Variants in PLXDC2 observed in about 807,000 individuals in gnomAD.
PLXDC2 encodes plexin domain-containing protein 2.
In PLXDC2, 40 loss-of-function variants were observed where a neutral mutation model predicts 68.9. The ratio of observed to expected loss-of-function variants is 0.58; its 90% CI spans 0.45 to 0.76. The LOEUF (loss-of-function observed/expected upper bound fraction) is 0.76, where lower values mean the gene tolerates loss of function less well. Ranked by LOEUF, PLXDC2 falls within the 30% of genes least tolerant of loss-of-function variation. PLXDC2 has a pLI of 0.00. For synonymous variants in PLXDC2, 243 were observed against 234.2 expected, an observed-to-expected ratio of 1.04 and a Z score of -0.34; for missense variants, 644 against 661.9, an observed-to-expected ratio of 0.97 and a Z score of 0.30.
intron 9 of PLXDC2, among the ~76,000 whole-genome samples, chr10:20,205,956 A>T (rs1473834935): frequency 6.6e-6 from 1 of 152,110 alleles, no homozygotes; most frequent in East Asian, 1.9e-4. Context: ...TCTATTATAT[A>T]TTGCATATAA....
At chr10:20,228,832 TG>T (rs1821395470) in intron 12 of PLXDC2, among the ~76,000 whole-genome samples, 2 of 152,180 alleles carry the variant, frequency 1.3e-5, no homozygotes, top group South Asian at 4.2e-4. Flanking sequence ...GAGGAAGTAG[TG>T]AACAGTGTCA....
chr10:19,935,081 T>A (rs1460345392), intron 1 of PLXDC2, among the ~76,000 whole-genome samples: 1 of 152,204 alleles, frequency 6.6e-6, no homozygotes, highest in Non-Finnish European at 1.5e-5. Flanking sequence ...GTTCTGCTCA[T>A]CAAATCATTG....
rs535165270 is a variant in PLXDC2, at chr10:19,933,913, G to A, written c.113-67862G>A. Among the ~76,000 whole-genome samples the A allele has an allele frequency of 7.6e-3, 1,159 of 151,834 alleles. 19 individuals carry two copies. Among genetic ancestry groups the A allele is most frequent in the African/African-American group, 0.027 (1,103 of 41,388 alleles). ...GAAGGAAAGAGAAAGAAAGGAAAGA[G>A]AAAGGAAGGAAGGACAGAAGGAAGG... On this transcript the variant is annotated intron_variant, in intron 1 of 13. Transcript: ENST00000377252.
chr10:19,872,652 A>C (rs995950498), intron 1 of PLXDC2, among the ~76,000 whole-genome samples: 7 of 152,104 alleles, frequency 4.6e-5, no homozygotes, highest in African/African-American at 1.7e-4. Context: ...GAGGGGTGTT[A>C]GCTGTGGAGT....
chr10:20,118,479 A>C (rs1833651650), intron 4 of PLXDC2, among the ~76,000 whole-genome samples: 1 of 152,174 alleles, frequency 6.6e-6, no homozygotes, highest in Non-Finnish European at 1.5e-5. Context: ...CTAATTCTTA[A>C]ATGTCACATT....
At position 20,143,421 on chromosome 10, in the gene PLXDC2, T is replaced by C. The variant is rs376517980; in HGVS notation, c.664+4T>C. The C allele has an allele frequency of 4.3e-6, 7 of 1,612,320 alleles. No individual in the cohort carries two copies. In the African/African-American group the frequency reaches 9.3e-5, roughly 22 times the overall value. The stretch of plus-strand genomic sequence containing the variant: ...ACTGTCAGATATTTTGATAATGGTA[T>C]GTGTTGAGTAGCCTATTTTTTGCTG... On this transcript the variant is annotated splice_donor_region_variant and intron_variant, in intron 5 of 13. Coordinates refer to ENST00000377252, the MANE Select transcript of PLXDC2 (RefSeq NM_032812.9).
intron 12 of PLXDC2, among the ~76,000 whole-genome samples, chr10:20,233,042 G>T (rs1396859873): frequency 1.3e-5 from 2 of 151,852 alleles, no homozygotes; most frequent in African/African-American, 4.8e-5. Flanking sequence ...GCTTATCCTT[G>T]GTGAACCAGC....
At chr10:20,180,968 A>G (rs540447594) in intron 9 of PLXDC2, among the ~76,000 whole-genome samples, 1 of 152,202 alleles carries the variant, frequency 6.6e-6, no homozygotes, top group East Asian at 1.9e-4. Context: ...TCACTTACCA[A>G]GATTGTGCAT....
intron 1 of PLXDC2, among the ~76,000 whole-genome samples, chr10:19,845,319 A>C (rs1836987929): frequency 6.6e-6 from 1 of 152,138 alleles, no homozygotes; most frequent in South Asian, 2.1e-4. Flanking sequence ...TGCCAGATGA[A>C]ATGTTAAACT....
Position 19,882,951 on chromosome 10 carries a change from T to C in PLXDC2, c.112+65760T>C, listed in dbSNP as rs1031766083. 6.7e-4 allele frequency among the ~76,000 whole-genome samples: 91 copies of C among 135,810 alleles called. No individual in the cohort carries two copies. In the South Asian group the frequency reaches 0.021, roughly 31 times the overall value. The allele number at this position is 135,810 out of a possible 152,430, so 89.1% of individuals were successfully genotyped here. A position where few individuals can be genotyped will look rare whatever the true frequency, so the allele number is the denominator to read the frequency against. On this transcript the variant is annotated intron_variant, in intron 1 of 13. Transcript: ENST00000377252. Reference sequence around the variant, plus strand: ...GCAATTAAAATTTTTTTTTTTTTTTTCCTTTCTTTCTTTTTTTTTTTTTGA... The same window carrying C: ...GCAATTAAAATTTTTTTTTTTTTTTCCCTTTCTTTCTTTTTTTTTTTTTGA...
At chr10:20,121,952 T>A (rs1312178540) in intron 4 of PLXDC2, among the ~76,000 whole-genome samples, 1 of 151,862 alleles carries the variant, frequency 6.6e-6, no homozygotes, top group Non-Finnish European at 1.5e-5. Flanking sequence ...AATGAGATGG[T>A]AAGGGGTGCA....
chr10:19,910,449 G>T (rs34307716), intron 1 of PLXDC2, among the ~76,000 whole-genome samples: 1 of 151,780 alleles, frequency 6.6e-6, no homozygotes, highest in Admixed American at 6.6e-5. Context: ...GGGAAAATGA[G>T]TCACTGAGAG....
chr10:20,032,591 C>A (rs1268457910), intron 2 of PLXDC2, among the ~76,000 whole-genome samples: 2 of 152,160 alleles, frequency 1.3e-5, no homozygotes, highest in African/African-American at 4.8e-5. Context: ...TAGAAACAAT[C>A]TGAGCAAGTG....
chr10:19,991,953 G>C (rs930763670), intron 1 of PLXDC2, among the ~76,000 whole-genome samples: 1 of 152,128 alleles, frequency 6.6e-6, no homozygotes, highest in African/African-American at 2.4e-5. Context: ...CATGCAGTGG[G>C]ACTTACCTGT....
chr10:20,240,655 A>T (rs764083853), intron 12 of PLXDC2, among the ~76,000 whole-genome samples: 3 of 149,528 alleles, frequency 2.0e-5, no homozygotes, highest in African/African-American at 4.9e-5. Context: ...CCATAGAAAG[A>T]AGCTGGAATA....
intron 5 of PLXDC2, among the ~76,000 whole-genome samples, chr10:20,147,269 G>A (rs1380545273): frequency 6.6e-6 from 1 of 152,114 alleles, no homozygotes; most frequent in Non-Finnish European, 1.5e-5. Flanking sequence ...AGAAATACAA[G>A]CATTGTGAAC....
intron 13 of PLXDC2, among the ~76,000 whole-genome samples, chr10:20,252,221 G>A (rs1258073688): frequency 6.6e-6 from 1 of 152,180 alleles, no homozygotes; most frequent in Admixed American, 6.5e-5. Flanking sequence ...TGTGGCTGCT[G>A]CCTATATGGA....
intron 2 of PLXDC2, among the ~76,000 whole-genome samples, chr10:20,009,213 C>G (rs1278485402): frequency 1.3e-5 from 2 of 152,210 alleles, no homozygotes; most frequent in Non-Finnish European, 2.9e-5. Flanking sequence ...TATGCTGGTT[C>G]TGTCTTTACA....
At chr10:20,126,434 C>T (rs146445884) in intron 4 of PLXDC2, among the ~76,000 whole-genome samples, 1,010 of 21,300 alleles carry the variant, frequency 0.047, 389 homozygotes, top group Non-Finnish European at 0.12. Context: ...TATGTATATA[C>T]AACACACGTT....
Sources: allele counts gnomAD v4.1 joint callset (sites outside exome capture counted in the v4.1 genomes callset), GRCh38; gene constraint gnomAD v4.1.1; transcripts MANE v1.5; gene names NCBI Gene and HGNC (gene_info 2026-07-23, HGNC 2026-07-21).